KRT75: variants seen among roughly 807,000 people sequenced by gnomAD.
KRT75 encodes keratin 75.
A neutral mutation model predicts 48.8 loss-of-function variants in KRT75; 35 were observed. The ratio of observed to expected loss-of-function variants is 0.72; its 90% CI spans 0.55 to 0.95. The LOEUF (loss-of-function observed/expected upper bound fraction) is 0.95, where lower values mean the gene tolerates loss of function less well. Among genes scored for constraint, KRT75 ranks in the 40% least tolerant of loss-of-function variants. The pLI is 0.00. For synonymous variants in KRT75, 301 were observed against 282.3 expected, an observed-to-expected ratio of 1.07 and a Z score of -0.66; for missense variants, 776 against 709.9, an observed-to-expected ratio of 1.09 and a Z score of -1.06.
rs1351176858 is a variant in KRT75 at position 52,424,661 on chromosome 12, G to A, written c.1512C>T (p.Phe504=). 1.2e-6 allele frequency: 2 copies of A among 1,614,162 alleles called. No homozygotes were observed. The highest frequency in any genetic ancestry group is 2.2e-5 in the South Asian group (2 of 91,090). The change falls in exon 9 of 9, where the codon TTC becomes TTT. Residue 504 remains phenylalanine (F), a synonymous_variant. Coordinates refer to ENST00000252245, the MANE Select transcript of KRT75 (RefSeq NM_004693.3). ...CCAGGCTATGCCCACCACTGGTGGT[G>A]AAGGAGTAGCCGCTGCCCCCACCGA... The part of the protein sequence containing the change: ...LGLGGGSGYS[F]TTSGGHSLGA...
chr12:52,424,245 C>T lies in KRT75; in HGVS notation c.*272G>A, dbSNP rs1288726138. 2.0e-6 allele frequency: 1 copy of T among 511,962 alleles called. No individual in the cohort carries two copies. Among genetic ancestry groups the T allele is most frequent in the African/African-American group, 1.9e-5 (1 of 52,090 alleles). 31.7% of individuals were successfully genotyped at this position (511,962 alleles called of 1,614,324 possible). ...GAGGTGGAGCTGGAGGAGGACTTTC[C>T]AGCTGCCCGGGCCTCGCAAGATAGG... On this transcript the variant is annotated 3_prime_UTR_variant, in exon 9 of 9. Transcript: ENST00000252245.
In KRT75 at chr12:52,428,379, AG is replaced by A; in HGVS notation, c.1258del (p.Leu420CysfsTer18). 6.2e-7 allele frequency: 1 copy of A among 1,614,150 alleles called. No homozygotes were observed. The highest frequency in any genetic ancestry group is 8.5e-7 in the Non-Finnish European group (1 of 1,180,022). ...AGCCATGTCCTGCTTGGCCTTCTGCAGGGCCTCCTCAAGGTCCACCAGCTTG... is the reference window on the plus strand; with the variant it reads ...AGCCATGTCCTGCTTGGCCTTCTGCAGGCCTCCTCAAGGTCCACCAGCTTG... Reference protein sequence around the residue: ...RAKLVDLEEALQKAKQDMARL... With the variant: ...RAKLVDLEEAXQKAKQDMARL... On this transcript the variant is annotated frameshift_variant, in exon 7 of 9. Transcript: ENST00000252245. LOFTEE classifies it high-confidence loss of function.
At chr12:52,432,163 C>T in intron 2 of KRT75, 97 bp from the exon 3 acceptor site, 2 of 1,207,032 alleles carry the variant, frequency 1.7e-6, no homozygotes, top group Admixed American at 1.8e-5. Flanking sequence ...AAATCATTTC[C>T]AGCTCTTCTG....
At chr12:52,428,788 C>G in intron 5 of KRT75, 45 bp from the exon 6 acceptor site, 3 of 1,612,202 alleles carry the variant, frequency 1.9e-6, no homozygotes, top group Non-Finnish European at 2.5e-6. Context: ...AAATGCCTGG[C>G]CCAGGCACTC....
Position 52,424,852 on chromosome 12 carries a change from G to A in KRT75, c.1418-97C>T. Reference sequence around the variant, plus strand: ...GCCCTGGAGTCCTTGGGTGGGGAGGGGGTGGTCTCGTCAGCCAGCAGTTTG... The same window carrying A: ...GCCCTGGAGTCCTTGGGTGGGGAGGAGGTGGTCTCGTCAGCCAGCAGTTTG... On this transcript the variant is annotated intron_variant, in intron 8 of 8. Transcript: ENST00000252245. The A allele has an allele frequency of 3.1e-6, 3 of 962,276 alleles. No individual in the cohort carries two copies. The South Asian group carries it at 3.9e-5, about 12-fold the overall frequency. The allele number at this position is 962,276 out of a possible 1,614,324, so 59.6% of individuals were successfully genotyped here. A position where few individuals can be genotyped will look rare whatever the true frequency, so the allele number is the denominator to read the frequency against.
rs1592163727 is a variant in KRT75, at chr12:52,430,770, A to T, written c.871-65T>A. The T allele has an allele frequency of 8.3e-6, 13 of 1,572,780 alleles. No individual in the cohort carries two copies. In the East Asian group the frequency reaches 2.9e-4, roughly 35 times the overall value. On this transcript the variant is annotated intron_variant, in intron 4 of 8. Transcript: ENST00000252245. Reference sequence around the variant, plus strand: ...GAAGAATCTTAAATCTTCGTGGTTAACTACCCATCTAGGTCAGGAATCCTT... The same window carrying T: ...GAAGAATCTTAAATCTTCGTGGTTATCTACCCATCTAGGTCAGGAATCCTT...
At position 52,428,452 on chromosome 12, in the gene KRT75, C is replaced by T; in HGVS notation, c.1186G>A (p.Ala396Thr). ...AGTTCTCCCCGCTGCTCTGCATCAG[C>T]AATGGCCGTTTGCAAGCTGGAACAC... ...KQCSSLQTAIADAEQRGELAL... is the reference protein window; with the variant it reads ...KQCSSLQTAITDAEQRGELAL... The change falls in exon 7 of 9, where the codon GCT (alanine) becomes ACT (threonine). Residue 396 changes from alanine (A) to threonine (T), a missense_variant. Transcript: ENST00000252245. The T allele has an allele frequency of 6.2e-7, 1 of 1,613,914 alleles. No individual in the cohort carries two copies. The highest frequency in any genetic ancestry group is 1.1e-5 in the South Asian group (1 of 91,038).
At chr12:52,433,706 C>A in intron 1 of KRT75, 101 bp downstream of exon 1, 1 of 1,569,128 alleles carries the variant, frequency 6.4e-7, no homozygotes, top group South Asian at 1.1e-5. Flanking sequence ...TGCTCATTCC[C>A]ACAGTGGGGT....
chr12:52,431,327 T>C (rs1475319320), intron 4 of KRT75, among the ~76,000 whole-genome samples: 1 of 152,076 alleles, frequency 6.6e-6, no homozygotes. Flanking sequence ...TGCCATGGGA[T>C]AAGGGAGTTC....
In KRT75 at chr12:52,430,641, C is replaced by T. The variant is rs148227046; in HGVS notation, c.935G>A (p.Arg312His). 435 of 1,614,120 alleles carry T rather than the reference C, an allele frequency of 2.7e-4. No homozygotes were observed. The African/African-American group carries it at 4.5e-3, about 17-fold the overall frequency. The change falls in exon 5 of 9, where the codon CGC (arginine) becomes CAC (histidine). Residue 312 changes from arginine (R) to histidine (H), a missense_variant. Coordinates refer to ENST00000252245, the MANE Select transcript of KRT75 (RefSeq NM_004693.3). ...GATGATACTATCCAGGTCCAGGTTG[C>T]GGTTGTTGTCCATGGACAGCACCAC... The part of the protein sequence containing the change: ...TSVVLSMDNN[R>H]NLDLDSIIAE...
rs373749966 is a variant in KRT75, at chr12:52,434,163, C to G, written c.142G>C (p.Gly48Arg). The G allele has an allele frequency of 5.0e-6, 8 of 1,613,310 alleles. No individual in the cohort carries two copies. In the African/African-American group the frequency reaches 1.1e-4, roughly 22 times the overall value. ...ARSAAGSGGLGRISSAGASFG... is the reference protein window; with the variant it reads ...ARSAAGSGGLRRISSAGASFG... ...CTGGCCCCAGCACTGCTGATCCTTC[C>G]CAGGCCCCCACTCCCTGCTGCAGAG... Residue 48 changes from glycine to arginine, a missense_variant, in exon 1 of 9, where the codon GGA becomes CGA. Physicochemically the swap from Gly to Arg is moderately radical, Grantham distance 125. Transcript: ENST00000252245.
Position 52,434,285 on chromosome 12 carries a change from A to T in KRT75, c.20T>A (p.Ile7Asn), listed in dbSNP as rs766083036. The stretch of plus-strand genomic sequence containing the variant: ...CCTGCGGCTGCCAGACTGGAAGGTG[A>T]TGGAGGACTGCCGAGACATGGTGGG... The part of the protein sequence containing the change: MSRQSS[I>N]TFQSGSRRGF... The change falls in exon 1 of 9, where the codon ATC becomes AAC. Residue 7 changes from isoleucine (I) to asparagine (N), a missense_variant. Transcript: ENST00000252245. 6 of 1,588,756 alleles carry T rather than the reference A, an allele frequency of 3.8e-6. No individual in the cohort carries two copies. Among genetic ancestry groups the T allele is most frequent in the Middle Eastern group, 3.3e-4 (2 of 5,980 alleles).
intron 3 of KRT75, 64 bp from the exon 4 acceptor site, chr12:52,431,702 C>G: frequency 8.0e-7 from 1 of 1,242,986 alleles, no homozygotes; most frequent in South Asian, 1.2e-5. Context: ...CCAAAAGAAG[C>G]TGAGCAGATT....
chr12:52,429,084 A>G (rs1433793497), intron 5 of KRT75, among the ~76,000 whole-genome samples: 1 of 152,162 alleles, frequency 6.6e-6, no homozygotes, highest in Non-Finnish European at 1.5e-5. Context: ...AAGGATGAGA[A>G]GGAGGGACCT....
chr12:52,430,898 G>T (rs1377541660), intron 4 of KRT75, among the ~76,000 whole-genome samples, 193 bp from the exon 5 acceptor site: 1 of 152,096 alleles, frequency 6.6e-6, no homozygotes, highest in Non-Finnish European at 1.5e-5. Context: ...ACTTCTCAAG[G>T]CTCCCATCTG....
intron 6 of KRT75, 52 bp downstream of exon 6, chr12:52,428,566 G>A (rs1329848466): frequency 1.1e-5 from 17 of 1,613,938 alleles, no homozygotes; most frequent in Non-Finnish European, 1.4e-5. Flanking sequence ...ATGGCAGAAA[G>A]GCCCAGAAGA....
At position 52,428,684 on chromosome 12, in the gene KRT75, T is replaced by A. The variant is rs1453394221; in HGVS notation, c.1095A>T (p.Gln365His). Residue 365 changes from glutamine to histidine, a missense_variant, in exon 6 of 9, where the codon CAA (glutamine) becomes CAT (histidine). Coordinates refer to ENST00000252245, the MANE Select transcript of KRT75 (RefSeq NM_004693.3). ...RHGDDLRNTK[Q>H]EISEMNRMIQ... ...TCATGCGGTTCATTTCAGAGATCTCTTGTTTGGTGTTTCGAAGGTCATCCC... is the reference window on the plus strand; with the variant it reads ...TCATGCGGTTCATTTCAGAGATCTCATGTTTGGTGTTTCGAAGGTCATCCC... 7 of 1,614,066 alleles carry A rather than the reference T, an allele frequency of 4.3e-6. No homozygotes were observed. Among genetic ancestry groups the A allele is most frequent in the Non-Finnish European group, 5.9e-6 (7 of 1,180,048 alleles).
rs962895732 is a variant in KRT75 at position 52,424,693 on chromosome 12, G to A, written c.1480C>T (p.Leu494=). 6.2e-7 allele frequency: 1 copy of A among 1,614,038 alleles called. No individual in the cohort carries two copies. The highest frequency in any genetic ancestry group is 1.3e-5 in the African/African-American group (1 of 74,938). The change falls in exon 9 of 9, where the codon CTG becomes TTG. Residue 494 remains leucine, a synonymous_variant. Coordinates refer to ENST00000252245, the MANE Select transcript of KRT75 (RefSeq NM_004693.3). The part of the protein sequence containing the change: ...GSGSSIGGGN[L]GLGGGSGYSF... ...TAGCCGCTGCCCCCACCGAGGCCCA[G>A]GTTTCCACCTCCAATGCTGCTGCCG...
At chr12:52,431,473 G>A (rs748490455) in intron 4 of KRT75, 70 bp downstream of exon 4, 8 of 1,123,330 alleles carry the variant, frequency 7.1e-6, no homozygotes, top group East Asian at 2.3e-5. Context: ...TGAATGAATG[G>A]CACAATGCAT....
Sources: allele counts gnomAD v4.1 joint callset (sites outside exome capture counted in the v4.1 genomes callset), GRCh38; gene constraint gnomAD v4.1.1; transcripts MANE v1.5; gene names NCBI Gene and HGNC (gene_info 2026-07-23, HGNC 2026-07-21).